The following ZDHHC3 variants were observed in gnomAD, a reference collection of about 807,000 sequenced individuals.
The protein encoded by ZDHHC3 is palmitoyltransferase ZDHHC3.
Under a neutral mutation model 30.6 loss-of-function variants are expected in ZDHHC3, and 9 were observed. The ratio of observed to expected loss-of-function variants is 0.29; its 90% CI spans 0.18 to 0.51. The LOEUF is 0.51. ZDHHC3 is among the 20% of genes least tolerant of loss of function. The pLI is 0.97. For synonymous variants in ZDHHC3, 136 were observed against 140.2 expected, an observed-to-expected ratio of 0.97 and a Z score of 0.21; for missense variants, 246 against 384.2, an observed-to-expected ratio of 0.64 and a Z score of 3.01.
chr3:44,921,658 C>T lies in ZDHHC3; in HGVS notation c.*5031G>A. 1 of 972,686 alleles carries T rather than the reference C, an allele frequency of 1.0e-6. No individual in the cohort carries two copies. The highest frequency in any genetic ancestry group is 4.8e-5 in the South Asian group (1 of 21,016). The allele number at this position is 972,686 out of a possible 1,614,324, so 60.3% of individuals were successfully genotyped here. On this transcript the variant is annotated 3_prime_UTR_variant, in exon 7 of 7. Coordinates refer to ENST00000424952, the MANE Select transcript of ZDHHC3 (RefSeq NM_001135179.2). ...ACGCTATACATTCCTATTCATCACC[C>T]TCATTTAATCCTTCCATTAACTTTG... is the stretch of plus-strand genomic sequence containing the variant.
intron 3 of ZDHHC3, among the ~76,000 whole-genome samples, chr3:44,941,608 G>C (rs1702445331): frequency 6.6e-6 from 1 of 152,102 alleles, no homozygotes; most frequent in African/African-American, 2.4e-5. Context: ...GTGGAGGCGG[G>C]GGGCTGCCAA....
At chr3:44,930,440 C>T (rs181172947) in intron 5 of ZDHHC3, among the ~76,000 whole-genome samples, 42 of 152,322 alleles carry the variant, frequency 2.8e-4, no homozygotes, top group Non-Finnish European at 7.3e-5. Context: ...CTCAGTGCAG[C>T]GGCCCATGCT....
In ZDHHC3 at chr3:44,921,413, A is replaced by G; in HGVS notation, c.*5276T>C. 1.0e-6 allele frequency: 1 copy of G among 985,462 alleles called. No homozygotes were observed. The highest frequency in any genetic ancestry group is 1.2e-6 in the Non-Finnish European group (1 of 829,940). The allele number at this position is 985,462 out of a possible 1,614,324, so 61.0% of individuals were successfully genotyped here. A position where few individuals can be genotyped will look rare whatever the true frequency, so the allele number is the denominator to read the frequency against. On this transcript the variant is annotated 3_prime_UTR_variant, in exon 7 of 7. Coordinates refer to ENST00000424952, the MANE Select transcript of ZDHHC3 (RefSeq NM_001135179.2). ...CTCATCAGAGATTTCATACCTCTAT[A>G]TTGTAACCCACAAGAGGAAACATTT...
intron 3 of ZDHHC3, among the ~76,000 whole-genome samples, chr3:44,944,337 A>G (rs6787980): frequency 0.59 from 89,030 of 151,926 alleles, 27,280 homozygotes; most frequent in East Asian, 0.9. Context: ...GTAAAGACAG[A>G]GTTTCTCCAT....
At position 44,922,362 on chromosome 3, in the gene ZDHHC3, T is replaced by G. The variant is rs1197631546; in HGVS notation, c.*4327A>C. Reference sequence around the variant, plus strand: ...TTTTCTCTTTCCCTTCCGGGCTGCTTCTTCACCCAAAGGGCCCTTGGTCTA... The same window carrying G: ...TTTTCTCTTTCCCTTCCGGGCTGCTGCTTCACCCAAAGGGCCCTTGGTCTA... On this transcript the variant is annotated 3_prime_UTR_variant, in exon 7 of 7. Transcript: ENST00000424952. 1.0e-6 allele frequency: 1 copy of G among 985,386 alleles called. No individual in the cohort carries two copies. Among genetic ancestry groups the G allele is most frequent in the Non-Finnish European group, 1.2e-6 (1 of 829,922 alleles). The allele number at this position is 985,386 out of a possible 1,614,324, so 61.0% of individuals were successfully genotyped here.
chr3:44,955,457 T>TTTA, intron 2 of ZDHHC3, among the ~76,000 whole-genome samples: 1 of 143,962 alleles, frequency 6.9e-6, no homozygotes, highest in East Asian at 2.0e-4. Flanking sequence ...CACAAGGTTT[T>TTTA]TATATATATA....
At chr3:44,938,548 A>T (rs890587779) in intron 3 of ZDHHC3, 6 of 152,850 alleles carry the variant, frequency 3.9e-5, no homozygotes, top group East Asian at 1.9e-4. Context: ...AAATAAAAAT[A>T]AAAAAAGTTC....
chr3:44,940,027 G>T (rs1417821364), intron 3 of ZDHHC3, among the ~76,000 whole-genome samples: 7 of 152,176 alleles, frequency 4.6e-5, no homozygotes, highest in African/African-American at 1.7e-4. Flanking sequence ...AGGCCAGAAG[G>T]GTGCTGGGGC....
In ZDHHC3 at chr3:44,917,886, C is replaced by T. The variant is rs540486682; in HGVS notation, c.*8803G>A. 1.2e-4 allele frequency: 150 copies of T among 1,300,218 alleles called. 3 individuals are homozygous for T. The South Asian group carries it at 1.8e-3, about 16-fold the overall frequency. 80.5% of individuals were successfully genotyped at this position (1,300,218 alleles called of 1,614,324 possible). ...TTTTTAGTGTTTGCTTCTCTCCCCA[C>T]AGCAGCATCTATTCATCTGTCACCT... On this transcript the variant is annotated 3_prime_UTR_variant, in exon 7 of 7. Coordinates refer to ENST00000424952, the MANE Select transcript of ZDHHC3 (RefSeq NM_001135179.2).
chr3:44,939,432 T>C (rs995329805), intron 3 of ZDHHC3, among the ~76,000 whole-genome samples: 1 of 152,246 alleles, frequency 6.6e-6, no homozygotes, highest in African/African-American at 2.4e-5. Context: ...CCAGGTGCCA[T>C]GCTCCCACCA....
intron 6 of ZDHHC3, among the ~76,000 whole-genome samples, chr3:44,928,385 C>T (rs981240106): frequency 1.4e-4 from 21 of 152,090 alleles, no homozygotes; most frequent in African/African-American, 5.1e-4. Flanking sequence ...TGTTGTCATC[C>T]TATGAGCCCG....
Position 44,926,269 on chromosome 3 carries a change from A to G in ZDHHC3, c.*420T>C. 2.0e-6 allele frequency: 2 copies of G among 987,964 alleles called. No individual in the cohort carries two copies. The highest frequency in any genetic ancestry group is 2.4e-6 in the Non-Finnish European group (2 of 831,764). The allele number at this position is 987,964 out of a possible 1,614,324, so 61.2% of individuals were successfully genotyped here. On this transcript the variant is annotated 3_prime_UTR_variant, in exon 7 of 7. Coordinates refer to ENST00000424952, the MANE Select transcript of ZDHHC3 (RefSeq NM_001135179.2). Reference sequence around the variant, plus strand: ...GGGAGCCCGCCACTGCCTCCTGGGCAGTGGGAGGTCAGGGCCCTCCTGGCT... The same window carrying G: ...GGGAGCCCGCCACTGCCTCCTGGGCGGTGGGAGGTCAGGGCCCTCCTGGCT...
rs770965421 is a variant in ZDHHC3 at position 44,915,398 on chromosome 3, T to G, written c.*11291A>C. The stretch of plus-strand genomic sequence containing the variant: ...GCTAAGCAGAATGTTATGCTGTGAA[T>G]GGTCACCACAGAGAGACCACTGTGT... On this transcript the variant is annotated 3_prime_UTR_variant, in exon 7 of 7. Coordinates refer to ENST00000424952, the MANE Select transcript of ZDHHC3 (RefSeq NM_001135179.2). 6.6e-6 allele frequency: 1 copy of G among 152,248 alleles called. No homozygotes were observed. The highest frequency in any genetic ancestry group is 1.5e-5 in the Non-Finnish European group (1 of 68,082). 9.4% of individuals were successfully genotyped at this position (152,248 alleles called of 1,614,324 possible).
chr3:44,922,991 C>G lies in ZDHHC3; in HGVS notation c.*3698G>C. 1 of 985,368 alleles carries G rather than the reference C, an allele frequency of 1.0e-6. No homozygotes were observed. Among genetic ancestry groups the G allele is most frequent in the Non-Finnish European group, 1.2e-6 (1 of 829,924 alleles). The allele number at this position is 985,368 out of a possible 1,614,324, so 61.0% of individuals were successfully genotyped here. A position where few individuals can be genotyped will look rare whatever the true frequency, so the allele number is the denominator to read the frequency against. On this transcript the variant is annotated 3_prime_UTR_variant, in exon 7 of 7. Transcript: ENST00000424952. ...GTCTTGAAAAGAGAGAAATTTAAAA[C>G]CCATTAGCCTGGCTGAGAAAGCCCA...
At chr3:44,945,416 C>T in intron 2 of ZDHHC3, 124 bp from the exon 3 acceptor site, 1 of 1,351,738 alleles carries the variant, frequency 7.4e-7, no homozygotes, top group Non-Finnish European at 1.0e-6. Flanking sequence ...ACTTTGATAC[C>T]AACAACATGT....
chr3:44,961,727 C>G (rs1255163482), intron 1 of ZDHHC3, among the ~76,000 whole-genome samples: 1 of 152,222 alleles, frequency 6.6e-6, no homozygotes, highest in Non-Finnish European at 1.5e-5. Context: ...ATTTTGACAA[C>G]CTCCAGTTGC....
At chr3:44,950,839 CTG>C (rs1703385751) in intron 2 of ZDHHC3, among the ~76,000 whole-genome samples, 2 of 152,172 alleles carry the variant, frequency 1.3e-5, no homozygotes, top group Non-Finnish European at 2.9e-5. Flanking sequence ...GATTGAAGGC[CTG>C]AGACATTTTT....
chr3:44,975,007 C>T (rs182291643), intron 1 of ZDHHC3, among the ~76,000 whole-genome samples: 3 of 151,758 alleles, frequency 2.0e-5, no homozygotes, highest in African/African-American at 7.3e-5. Context: ...AGTAGGCTCC[C>T]AATAGTTATC....
chr3:44,946,907 A>G (rs1559691264), intron 2 of ZDHHC3, among the ~76,000 whole-genome samples: 3 of 152,224 alleles, frequency 2.0e-5, no homozygotes, highest in Non-Finnish European at 4.4e-5. Flanking sequence ...GCCATTAGGT[A>G]ACACTGGTGC....
Sources: gnomAD v4.1 joint callset for allele counts (sites outside exome capture counted in the v4.1 genomes callset) on GRCh38, gnomAD v4.1.1 for gene constraint, MANE v1.5 for transcripts, NCBI Gene and HGNC (gene_info 2026-07-23, HGNC 2026-07-21) for gene names.